Variants in ZNF518A observed in about 807,000 individuals in gnomAD.
ZNF518A encodes zinc finger protein 518A, also known as zinc finger protein 518.
Under a neutral mutation model 102.7 loss-of-function variants are expected in ZNF518A, and 47 were observed. The observed-to-expected ratio is 0.46, with a 90% CI of 0.36 to 0.58. ZNF518A has a LOEUF of 0.58. Ranked by LOEUF, ZNF518A falls within the 20% of genes least tolerant of loss-of-function variation. ZNF518A has a pLI of 0.00. For missense variants in ZNF518A, 1,793 were observed against 1,699.8 expected, an observed-to-expected ratio of 1.05 and a Z score of -0.96; for synonymous variants, 652 against 594.6, an observed-to-expected ratio of 1.10 and a Z score of -1.40.
At chr10:96,180,180 C>CTTTTT (rs60561670) in intron 1 of ZNF518A, among the ~76,000 whole-genome samples, 1,072 of 96,208 alleles carry the variant, frequency 0.011, 68 homozygotes, top group African/African-American at 0.038. Flanking sequence ...GCTCCAGCCT[C>CTTTTT]TTTTTTTTTT....
At chr10:96,180,431 G>A (rs1267641804) in intron 1 of ZNF518A, among the ~76,000 whole-genome samples, 3 of 151,618 alleles carry the variant, frequency 2.0e-5, no homozygotes, top group Non-Finnish European at 2.9e-5. Flanking sequence ...GTGCCATGTT[G>A]GTTTGCTGCA....
chr10:96,132,952 A>G (rs782217695), intron 2 of ZNF518A: 2 of 152,196 alleles, frequency 1.3e-5, no homozygotes, highest in African/African-American at 4.8e-5. Flanking sequence ...TCTGTTCCCA[A>G]GCATTTCAAA....
chr10:96,136,540 T>C (rs1470208574), intron 3 of ZNF518A, among the ~76,000 whole-genome samples: 1 of 151,836 alleles, frequency 6.6e-6, no homozygotes, highest in African/African-American at 2.4e-5. Context: ...AATGTGGCTT[T>C]TTAATGAGCT....
intron 1 of ZNF518A, among the ~76,000 whole-genome samples, chr10:96,184,106 G>A (rs1352669100): frequency 2.0e-4 from 30 of 152,158 alleles, no homozygotes; most frequent in East Asian, 3.9e-4. Context: ...TTGGTTTAAA[G>A]TCTGTTTTAT....
rs782284233 is a variant in ZNF518A at position 96,160,783 on chromosome 10, A to T, written c.*9A>T. 5 of 1,527,074 alleles carry T rather than the reference A, an allele frequency of 3.3e-6. No homozygotes were observed. The African/African-American group carries it at 7.0e-5, about 21-fold the overall frequency. The allele number at this position is 1,527,074 out of a possible 1,614,324, so 94.6% of individuals were successfully genotyped here. ...GGAACATGTTAGAATAGTTTACCATAATTACCAAGGAAAAGAAAAGTAAAA... is the reference window on the plus strand; with the variant it reads ...GGAACATGTTAGAATAGTTTACCATTATTACCAAGGAAAAGAAAAGTAAAA... On this transcript the variant is annotated 3_prime_UTR_variant, in exon 6 of 6. Coordinates refer to ENST00000316045, the MANE Select transcript of ZNF518A (RefSeq NM_001330736.2).
chr10:96,145,180 C>G (rs1425735040), intron 3 of ZNF518A, among the ~76,000 whole-genome samples: 3 of 152,088 alleles, frequency 2.0e-5, no homozygotes, highest in African/African-American at 7.2e-5. Context: ...AGCGATTTTC[C>G]TGCCTCAGCC....
intron 1 of ZNF518A, among the ~76,000 whole-genome samples, chr10:96,173,279 A>G (rs1376921388): frequency 1.3e-5 from 2 of 151,848 alleles, no homozygotes; most frequent in African/African-American, 4.8e-5. Flanking sequence ...GCTTTTTACA[A>G]CCCCTGACCA....
chr10:96,150,719 T>A (rs1374547420), intron 3 of ZNF518A, among the ~76,000 whole-genome samples: 24 of 142,846 alleles, frequency 1.7e-4, no homozygotes, highest in South Asian at 4.5e-4. Context: ...TTTTTTTTTT[T>A]ATTGCAGCAA....
At chr10:96,193,484 G>A (rs936145638) in intron 1 of ZNF518A, among the ~76,000 whole-genome samples, 2 of 152,156 alleles carry the variant, frequency 1.3e-5, no homozygotes, top group Admixed American at 6.5e-5. Context: ...TGTGGTGTTC[G>A]GGGATTGAAG....
chr10:96,130,115 A>T (rs1243361819), upstream of ZNF518A: 2 of 152,716 alleles, frequency 1.3e-5, no homozygotes, highest in Admixed American at 1.3e-4. Context: ...GGGTACTACG[A>T]CAGGTATTCC....
intron 1 of ZNF518A, among the ~76,000 whole-genome samples, chr10:96,198,862 C>T (rs1013737248): frequency 6.6e-6 from 1 of 152,158 alleles, no homozygotes; most frequent in Non-Finnish European, 1.5e-5. Flanking sequence ...TCACGCCTGG[C>T]TAATTTTTTT....
Position 96,132,430 on chromosome 10 carries a change from C to T in ZNF518A, c.-452-156C>T, listed in dbSNP as rs149086552. On this transcript the variant is annotated intron_variant, in intron 1 of 5. Coordinates refer to ENST00000316045, the MANE Select transcript of ZNF518A (RefSeq NM_001330736.2). ...CTTTTGCAAATTTGTGACATGTTATCACTGGTCATCAATGATGTATGCTTA... is the reference window on the plus strand; with the variant it reads ...CTTTTGCAAATTTGTGACATGTTATTACTGGTCATCAATGATGTATGCTTA... Among the ~76,000 whole-genome samples, 1,075 of 149,630 alleles carry T rather than the reference C, an allele frequency of 7.2e-3. 14 individuals are homozygous for T. The highest frequency in any genetic ancestry group is 0.024 in the African/African-American group (961 of 40,812).
chr10:96,154,218 G>C (rs999046853), intron 3 of ZNF518A, among the ~76,000 whole-genome samples: 5 of 152,144 alleles, frequency 3.3e-5, no homozygotes, highest in African/African-American at 9.7e-5. Context: ...TGTAGTCCCT[G>C]CTGCTCTCAG....
downstream of ZNF518A, chr10:96,204,414 T>G: frequency 1.7e-5 from 20 of 1,190,226 alleles, no homozygotes; most frequent in Non-Finnish European, 2.5e-5. Flanking sequence ...TGCAAAACAA[T>G]GAAATGTTGG....
At chr10:96,145,751 A>G (rs191555573) in intron 3 of ZNF518A, among the ~76,000 whole-genome samples, 2 of 152,190 alleles carry the variant, frequency 1.3e-5, no homozygotes, top group East Asian at 1.9e-4. Context: ...TTTAAGAAAA[A>G]CTCAGTTGGT....
At chr10:96,148,212 G>A (rs587699679) in intron 3 of ZNF518A, among the ~76,000 whole-genome samples, 81 of 152,298 alleles carry the variant, frequency 5.3e-4, no homozygotes, top group African/African-American at 1.7e-3. Context: ...GGCCGAGGTG[G>A]GTGGATCACC....
At chr10:96,132,201 T>G (rs1316186561) in intron 1 of ZNF518A, among the ~76,000 whole-genome samples, 2 of 151,700 alleles carry the variant, frequency 1.3e-5, no homozygotes, top group Non-Finnish European at 2.9e-5. Context: ...TATGGGGTAT[T>G]GGCTTCTCAT....
intron 1 of ZNF518A, among the ~76,000 whole-genome samples, chr10:96,185,688 C>T (rs2083267683): frequency 6.6e-6 from 1 of 152,228 alleles, no homozygotes; most frequent in Admixed American, 6.5e-5. Context: ...GAAGCTTCGT[C>T]TCAGATGGGC....
At position 96,130,298 on chromosome 10, in the gene ZNF518A, A is replaced by T. The variant is rs587654920; in HGVS notation, c.-907A>T. ...CCCGGCCATTCAGCGCTTCCGCTTA[A>T]CTTGCCGCAAAGTTTTTCTGGAGAA... On this transcript the variant is annotated 5_prime_UTR_variant, in exon 1 of 6. Transcript: ENST00000316045. Among the ~76,000 whole-genome samples, 2 of 152,308 alleles carry T rather than the reference A, an allele frequency of 1.3e-5. No homozygotes were observed. The highest frequency in any genetic ancestry group is 4.8e-5 in the African/African-American group (2 of 41,578).
Sources: gnomAD v4.1 joint callset for allele counts (sites outside exome capture counted in the v4.1 genomes callset) on GRCh38, gnomAD v4.1.1 for gene constraint, MANE v1.5 for transcripts, NCBI Gene and HGNC (gene_info 2026-07-23, HGNC 2026-07-21) for gene names.